The following SYNE2 variants were observed in gnomAD, a reference collection of about 807,000 sequenced individuals.
SYNE2 encodes nesprin-2.
In SYNE2, 431 loss-of-function variants were observed where a neutral mutation model predicts 856.3. The ratio of observed to expected loss-of-function variants is 0.50; its 90% CI spans 0.47 to 0.55. SYNE2 has a LOEUF of 0.55. SYNE2 is among the 20% of genes least tolerant of loss of function. The pLI, the probability that SYNE2 is intolerant of heterozygous loss-of-function variation, is 0.00. For synonymous variants in SYNE2, 2,923 were observed against 2,872.3 expected (o/e 1.02, Z -0.56); for missense variants, 8,129 against 8,023.2 (o/e 1.01, Z -0.50).
chr14:63,996,045 T>C (rs1429745232), intron 23 of SYNE2, among the ~76,000 whole-genome samples: 1 of 152,202 alleles, frequency 6.6e-6, no homozygotes, highest in African/African-American at 2.4e-5. Context: ...TATTTCTCAC[T>C]GACTAGTAGA....
chr14:63,960,756 C>T (rs1027938120), intron 8 of SYNE2: 1 of 764,118 alleles, frequency 1.3e-6, no homozygotes, highest in Non-Finnish European at 2.4e-6. Flanking sequence ...AAGTTCTGCA[C>T]TTTACAGAAT....
chr14:64,118,281 C>T (rs971686201), intron 66 of SYNE2, among the ~76,000 whole-genome samples: 1 of 152,154 alleles, frequency 6.6e-6, no homozygotes, highest in African/African-American at 2.4e-5. Flanking sequence ...GGCTGCTGAG[C>T]CCCAGGAGAG....
intron 14 of SYNE2, among the ~76,000 whole-genome samples, chr14:63,980,390 CAAGAGG>C (rs1395530248): frequency 4.6e-5 from 7 of 152,136 alleles, no homozygotes; most frequent in Non-Finnish European, 7.4e-5. Flanking sequence ...CTTTTTTCCA[CAAGAGG>C]AAAACTACTA....
intron 78 of SYNE2, among the ~76,000 whole-genome samples, chr14:64,135,677 A>G (rs897702746): frequency 6.6e-6 from 1 of 152,194 alleles, no homozygotes; most frequent in Non-Finnish European, 1.5e-5. Flanking sequence ...AAGTGACCAT[A>G]TCTGTTAAAA....
chr14:64,106,138 C>T (rs1023601134), intron 64 of SYNE2, among the ~76,000 whole-genome samples: 7 of 148,606 alleles, frequency 4.7e-5, no homozygotes, highest in South Asian at 2.2e-4. Flanking sequence ...CCAGACCCCC[C>T]CCCCCAACCA....
intron 28 of SYNE2, among the ~76,000 whole-genome samples, chr14:64,001,511 A>G (rs1249859872): frequency 6.6e-6 from 1 of 152,152 alleles, no homozygotes; most frequent in Non-Finnish European, 1.5e-5. Context: ...ATGGTGAAAC[A>G]CTGTCTGTAC....
chr14:64,216,108 G>C, intron 107 of SYNE2, 140 bp from the exon 108 acceptor site: 1 of 1,544,028 alleles, frequency 6.5e-7, no homozygotes, highest in Non-Finnish European at 8.7e-7. Context: ...TCTCTTCTGG[G>C]ACATACTGAC....
At chr14:64,011,832 CT>C (rs1293628594) in intron 32 of SYNE2, among the ~76,000 whole-genome samples, 3 of 152,222 alleles carry the variant, frequency 2.0e-5, no homozygotes, top group Non-Finnish European at 2.9e-5. Flanking sequence ...TAAACTTCTT[CT>C]TGTCACCTCC....
intron 22 of SYNE2, 141 bp from the exon 23 acceptor site, chr14:63,994,903 C>A: frequency 1.9e-6 from 1 of 530,492 alleles, no homozygotes; most frequent in Non-Finnish European, 3.2e-6. Context: ...CATCTCCCCC[C>A]AAAATACATG....
Position 63,952,035 on chromosome 14 carries a change from A to G in SYNE2, c.590+2029A>G, listed in dbSNP as rs960473543. Among the ~76,000 whole-genome samples the G allele has an allele frequency of 1.1e-4, 16 of 152,090 alleles. 1 individual carries two copies. The highest frequency in any genetic ancestry group is 6.3e-3 in the Middle Eastern group (2 of 316). On this transcript the variant is annotated intron_variant, in intron 7 of 115. Coordinates refer to ENST00000555002, the MANE Select transcript of SYNE2 (RefSeq NM_182914.3). ...CTTTTATTTCAATATCCTGTGTTTT[A>G]TTGTTTCAATATTTGTGTTTCATTT...
intron 45 of SYNE2, among the ~76,000 whole-genome samples, chr14:64,031,690 C>A (rs2097037193): frequency 6.6e-6 from 1 of 152,174 alleles, no homozygotes; most frequent in Non-Finnish European, 1.5e-5. Context: ...CCTATTTTCT[C>A]AGGAAAAAAA....
At chr14:64,156,072 C>A (rs759481657) in intron 85 of SYNE2, among the ~76,000 whole-genome samples, 5 of 152,186 alleles carry the variant, frequency 3.3e-5, no homozygotes, top group Non-Finnish European at 5.9e-5. Context: ...TCAATAAATG[C>A]TGCCCTGCTG....
At chr14:63,931,416 G>A (rs1477570408) in intron 2 of SYNE2, among the ~76,000 whole-genome samples, 1 of 151,966 alleles carries the variant, frequency 6.6e-6, no homozygotes, top group African/African-American at 2.4e-5. Context: ...CGGGCGTGGT[G>A]GAGGGCACCT....
intron 54 of SYNE2, among the ~76,000 whole-genome samples, chr14:64,077,620 G>T (rs901898776): frequency 9.1e-6 from 1 of 110,392 alleles, no homozygotes; most frequent in Non-Finnish European, 2.0e-5. Flanking sequence ...AGTCTCAATG[G>T]TTATACAGAT....
chr14:64,088,954 T>A (rs2097584019), intron 58 of SYNE2, among the ~76,000 whole-genome samples: 1 of 152,258 alleles, frequency 6.6e-6, no homozygotes, highest in African/African-American at 2.4e-5. Context: ...TAATTCTATA[T>A]ACCTTCTTAA....
At chr14:64,216,194 C>T (rs2098665547) in intron 107 of SYNE2, 54 bp from the exon 108 acceptor site, 9 of 1,611,436 alleles carry the variant, frequency 5.6e-6, no homozygotes, top group Admixed American at 3.3e-5. Context: ...CCATGTCACC[C>T]GTGACCCGTT....
intron 44 of SYNE2, 47 bp from the exon 45 acceptor site, chr14:64,030,967 CTT>C (rs771296261): frequency 1.4e-6 from 2 of 1,401,644 alleles, no homozygotes; most frequent in South Asian, 2.3e-5. Flanking sequence ...AGTCAATTAA[CTT>C]TTGTGGCAAT....
At chr14:63,892,734 T>C (rs2095163568) in intron 1 of SYNE2, among the ~76,000 whole-genome samples, 1 of 150,226 alleles carries the variant, frequency 6.7e-6, no homozygotes, top group Non-Finnish European at 1.5e-5. Context: ...ACTTTCTTTT[T>C]TTTTTTTTTT....
At position 64,163,511 on chromosome 14, in the gene SYNE2, GC is replaced by G; in HGVS notation, c.16414del (p.Leu5472CysfsTer16). Reference sequence around the variant, plus strand: ...TCCAGCACCCACATGCTCCTCCCGGGCCCCCTGCACTCTCTCCAGAGGGCTG... The same window carrying G: ...TCCAGCACCCACATGCTCCTCCCGGGCCCCTGCACTCTCTCCAGAGGGCTG... The part of the protein sequence containing the change: ...AESSTHMLLP[G>X]PLHSLQRAAY... On this transcript the variant is annotated frameshift_variant, in exon 89 of 116. Transcript: ENST00000555002. LOFTEE classifies it high-confidence loss of function. 6.2e-7 allele frequency: 1 copy of G among 1,614,126 alleles called. No individual in the cohort carries two copies. The highest frequency in any genetic ancestry group is 8.5e-7 in the Non-Finnish European group (1 of 1,180,022).
Sources: allele counts gnomAD v4.1 joint callset (sites outside exome capture counted in the v4.1 genomes callset), GRCh38; gene constraint gnomAD v4.1.1; transcripts MANE v1.5; gene names NCBI Gene and HGNC (gene_info 2026-07-23, HGNC 2026-07-21).